Variants in RFTN1 observed in about 807,000 individuals in gnomAD.
RFTN1 encodes raftlin, lipid raft linker 1.
Under a neutral mutation model 46.5 loss-of-function variants are expected in RFTN1, and 26 were observed. That is an observed-to-expected ratio of 0.56 (90% CI 0.41 to 0.78). The LOEUF (loss-of-function observed/expected upper bound fraction) is 0.78, where lower values mean the gene tolerates loss of function less well. Among genes scored for constraint, RFTN1 ranks in the 30% least tolerant of loss-of-function variants. The pLI, the probability that RFTN1 is intolerant of heterozygous loss-of-function variation, is 0.00. For missense variants in RFTN1, 693 were observed against 718.7 expected (o/e 0.96, Z 0.41); for synonymous variants, 261 against 284.2 (o/e 0.92, Z 0.82).
Position 16,406,987 on chromosome 3 carries a change from G to A in RFTN1, c.441+2388C>T, listed in dbSNP as rs532004150. On this transcript the variant is annotated intron_variant, in intron 4 of 9. Transcript: ENST00000334133. ...ATAAAAACTGGCTAATGTCCTTCAG[G>A]GCATAAAAACCCTAACTTTGAGGGC... Among the ~76,000 whole-genome samples the A allele has an allele frequency of 3.9e-5, 6 of 152,194 alleles. No individual in the cohort carries two copies. The South Asian group carries it at 1.2e-3, about 32-fold the overall frequency.
At chr3:16,405,034 C>T (rs1296597746) in intron 4 of RFTN1, among the ~76,000 whole-genome samples, 1 of 152,164 alleles carries the variant, frequency 6.6e-6, no homozygotes, top group East Asian at 1.9e-4. Flanking sequence ...GCTCTCCAAA[C>T]TGTAGACCTT....
At chr3:16,399,700 C>T (rs1276456848) in intron 4 of RFTN1, among the ~76,000 whole-genome samples, 1 of 152,208 alleles carries the variant, frequency 6.6e-6, no homozygotes, top group African/African-American at 2.4e-5. Context: ...CATCTGCCAG[C>T]AGGCGTCTCC....
chr3:16,499,915 T>C lies in RFTN1; in HGVS notation c.-8-6038A>G, dbSNP rs1432512131. Among the ~76,000 whole-genome samples, 1 of 152,226 alleles carries C rather than the reference T, an allele frequency of 6.6e-6. No homozygotes were observed. The highest frequency in any genetic ancestry group is 1.5e-5 in the Non-Finnish European group (1 of 68,044). On this transcript the variant is annotated intron_variant, in intron 1 of 9. Coordinates refer to ENST00000334133, the MANE Select transcript of RFTN1 (RefSeq NM_015150.2). The surrounding 1 kb of genome is among the most constrained non-coding windows in gnomAD (Gnocchi z 4.9). Reference sequence around the variant, plus strand: ...CTAAGAGTGGGGTTGTTGGGTTATATGATAAGTGCAGGAGCCCTGTTAATG... The same window carrying C: ...CTAAGAGTGGGGTTGTTGGGTTATACGATAAGTGCAGGAGCCCTGTTAATG...
intron 2 of RFTN1, among the ~76,000 whole-genome samples, chr3:16,437,233 A>C (rs1286487251): frequency 6.6e-6 from 1 of 152,144 alleles, no homozygotes; most frequent in African/African-American, 2.4e-5. Flanking sequence ...GGTGTTGGGG[A>C]AACAGGCATG....
rs569337712 is a variant in RFTN1, at chr3:16,490,496, T to G, written c.145+3229A>C. On this transcript the variant is annotated intron_variant, in intron 2 of 9. Coordinates refer to ENST00000334133, the MANE Select transcript of RFTN1 (RefSeq NM_015150.2). ...GGCAAGACCAAGCTACAGAAAGCCC[T>G]GAGCTCTGGCTTGAATCTCAACTTC... 3.3e-5 allele frequency among the ~76,000 whole-genome samples: 5 copies of G among 152,304 alleles called. No individual in the cohort carries two copies. The South Asian group carries it at 1.0e-3, about 32-fold the overall frequency.
intron 2 of RFTN1, among the ~76,000 whole-genome samples, chr3:16,438,481 G>A (rs1243984926): frequency 6.7e-6 from 1 of 150,136 alleles, no homozygotes; most frequent in African/African-American, 2.5e-5. Flanking sequence ...GCTACTCAGG[G>A]GGCTGAGGAG....
At chr3:16,496,260 G>A (rs948029348) in intron 1 of RFTN1, among the ~76,000 whole-genome samples, 4 of 152,248 alleles carry the variant, frequency 2.6e-5, no homozygotes, top group African/African-American at 9.6e-5. Context: ...GCCACAGAAG[G>A]CAGAGTCAGG....
At chr3:16,399,278 A>T (rs914210151) in intron 4 of RFTN1, among the ~76,000 whole-genome samples, 1 of 152,154 alleles carries the variant, frequency 6.6e-6, no homozygotes, top group Non-Finnish European at 1.5e-5. Context: ...TTTAAATTTT[A>T]AAAAAACAAC....
At chr3:16,503,873 A>C (rs1283369489) in intron 1 of RFTN1, among the ~76,000 whole-genome samples, 1 of 152,220 alleles carries the variant, frequency 6.6e-6, no homozygotes, top group Non-Finnish European at 1.5e-5. Context: ...TGAGATGTCC[A>C]TGGATCCACC....
At chr3:16,358,738 G>T (rs2072631028) in intron 6 of RFTN1, among the ~76,000 whole-genome samples, 1 of 152,042 alleles carries the variant, frequency 6.6e-6, no homozygotes, top group Non-Finnish European at 1.5e-5. Context: ...AGGGTAAAAA[G>T]AAATATAGAA....
intron 2 of RFTN1, among the ~76,000 whole-genome samples, chr3:16,470,799 G>C (rs2076181438): frequency 6.6e-6 from 1 of 152,020 alleles, no homozygotes; most frequent in African/African-American, 2.4e-5. Flanking sequence ...ACAATGTCCA[G>C]GATACAATTC....
Position 16,507,244 on chromosome 3 carries a change from C to T in RFTN1, c.-9+6198G>A, listed in dbSNP as rs1480211257. ...TACTCTACTGGGATTACTTGTTGCT[C>T]ATTATGAAGACACCTTTTGACCTAC... On this transcript the variant is annotated intron_variant, in intron 1 of 9. Transcript: ENST00000334133. The surrounding 1 kb of genome is among the most constrained non-coding windows in gnomAD (Gnocchi z 7.1). Among the ~76,000 whole-genome samples, 1 of 152,104 alleles carries T rather than the reference C, an allele frequency of 6.6e-6. No homozygotes were observed.
chr3:16,368,563 C>G (rs898454719), intron 6 of RFTN1, among the ~76,000 whole-genome samples: 51 of 151,866 alleles, frequency 3.4e-4, no homozygotes, highest in Non-Finnish European at 6.2e-4. Flanking sequence ...CCCAGCTACT[C>G]GGGAGGCTGA....
chr3:16,416,339 T>G (rs2075079206), intron 3 of RFTN1: 1 of 358,742 alleles, frequency 2.8e-6, no homozygotes, highest in African/African-American at 2.2e-5. Context: ...CTAAGACATC[T>G]GAGCCCCGTT....
intron 2 of RFTN1, among the ~76,000 whole-genome samples, chr3:16,492,096 A>G (rs1404568988): frequency 6.6e-6 from 1 of 152,214 alleles, no homozygotes; most frequent in Admixed American, 6.5e-5. Context: ...AGGCATGGTC[A>G]TAGGTATCTG....
chr3:16,454,530 T>A (rs1269828938), intron 2 of RFTN1, among the ~76,000 whole-genome samples: 17 of 152,240 alleles, frequency 1.1e-4, no homozygotes, highest in Non-Finnish European at 2.5e-4. Context: ...GGAGAAAGAC[T>A]GTGAAGCCAA....
At chr3:16,333,976 T>C (rs145588794) in intron 7 of RFTN1, among the ~76,000 whole-genome samples, 203 of 152,078 alleles carry the variant, frequency 1.3e-3, no homozygotes, top group African/African-American at 4.7e-3. Context: ...CCATCCGGGC[T>C]AACACGGTGA....
chr3:16,505,581 C>A lies in RFTN1; in HGVS notation c.-9+7861G>T, dbSNP rs1165712686. 1.3e-5 allele frequency among the ~76,000 whole-genome samples: 2 copies of A among 152,204 alleles called. 1 individual carries two copies. On this transcript the variant is annotated intron_variant, in intron 1 of 9. Transcript: ENST00000334133. Reference sequence around the variant, plus strand: ...GAAACCCAGAGAATAGTTGATGTTGCAATCTTGAATCCAAAGGCGGTCTGG... The same window carrying A: ...GAAACCCAGAGAATAGTTGATGTTGAAATCTTGAATCCAAAGGCGGTCTGG...
At chr3:16,391,885 T>G (rs1434553800) in intron 4 of RFTN1, among the ~76,000 whole-genome samples, 5 of 39,010 alleles carry the variant, frequency 1.3e-4, no homozygotes, top group African/African-American at 4.7e-4. Flanking sequence ...TTTTTTTGTT[T>G]TTTTTTTTGT....
Sources: allele counts gnomAD v4.1 joint callset (sites outside exome capture counted in the v4.1 genomes callset), GRCh38; gene constraint gnomAD v4.1.1; non-coding constraint Gnocchi (gnomAD v3.1); transcripts MANE v1.5; gene names NCBI Gene and HGNC (gene_info 2026-07-23, HGNC 2026-07-21).